The following MBNL1 variants were observed in gnomAD, a reference collection of about 807,000 sequenced individuals.
MBNL1 encodes muscleblind like splicing regulator 1.
Under a neutral mutation model 42.2 loss-of-function variants are expected in MBNL1, and 8 were observed. That is an observed-to-expected ratio of 0.19 (90% CI 0.11 to 0.34). MBNL1 has a LOEUF of 0.34. MBNL1 is among the 10% of genes least tolerant of loss of function. The pLI is 1.00. For synonymous variants in MBNL1, 169 were observed against 173.9 expected (o/e 0.97, Z 0.22); for missense variants, 309 against 495.3 (o/e 0.62, Z 3.57).
At chr3:152,428,842 G>A (rs191405200) in intron 3 of MBNL1, among the ~76,000 whole-genome samples, 2 of 152,296 alleles carry the variant, frequency 1.3e-5, no homozygotes, top group East Asian at 3.9e-4. Context: ...CATACCTGTG[G>A]TCACATCCTA....
At chr3:152,371,244 C>A (rs1466472726) in intron 2 of MBNL1, among the ~76,000 whole-genome samples, 1 of 152,130 alleles carries the variant, frequency 6.6e-6, no homozygotes, top group Admixed American at 6.6e-5. Flanking sequence ...TTTTATTTCT[C>A]CTTCACTTAT....
rs1580993141 is a variant in MBNL1, at chr3:152,464,422, T to G, written c.*2056T>G. 2.0e-5 allele frequency: 3 copies of G among 152,588 alleles called. No individual in the cohort carries two copies. Among genetic ancestry groups the G allele is most frequent in the Non-Finnish European group, 2.9e-5 (2 of 67,984 alleles). The allele number at this position is 152,588 out of a possible 1,614,324, so 9.5% of individuals were successfully genotyped here. A position where few individuals can be genotyped will look rare whatever the true frequency, so the allele number is the denominator to read the frequency against. On this transcript the variant is annotated 3_prime_UTR_variant, in exon 10 of 10. Coordinates refer to ENST00000324210, the MANE Select transcript of MBNL1 (RefSeq NM_021038.5). Reference sequence around the variant, plus strand: ...AGAACAAAGATCTTTTATATGGATATCTTATAAATATATAATCATTGCTAA... The same window carrying G: ...AGAACAAAGATCTTTTATATGGATAGCTTATAAATATATAATCATTGCTAA...
intron 2 of MBNL1, among the ~76,000 whole-genome samples, chr3:152,403,052 A>G (rs2098295310): frequency 6.6e-6 from 1 of 152,088 alleles, no homozygotes; most frequent in Admixed American, 6.5e-5. Context: ...GAAATCACAG[A>G]TATATTCCTT....
chr3:152,374,958 T>C (rs1197393584), intron 2 of MBNL1, among the ~76,000 whole-genome samples: 2 of 152,352 alleles, frequency 1.3e-5, no homozygotes, highest in African/African-American at 2.4e-5. Context: ...AAAGAAGATA[T>C]CTTCTAAGAC....
intron 2 of MBNL1, among the ~76,000 whole-genome samples, chr3:152,401,368 A>G (rs1302429578): frequency 6.6e-6 from 1 of 152,168 alleles, no homozygotes; most frequent in African/African-American, 2.4e-5. Context: ...TGACATTTGA[A>G]AAGGGTCACT....
At chr3:152,289,949 C>T (rs190958075) in intron 1 of MBNL1, among the ~76,000 whole-genome samples, 92 of 151,526 alleles carry the variant, frequency 6.1e-4, no homozygotes, top group African/African-American at 2.1e-3. Flanking sequence ...CATACTCATT[C>T]GTCATTGGTT....
intron 9 of MBNL1, among the ~76,000 whole-genome samples, chr3:152,460,292 A>G (rs1051699476): frequency 2.0e-5 from 3 of 152,104 alleles, no homozygotes; most frequent in African/African-American, 7.2e-5. Context: ...TTAAATAAAT[A>G]TATACACATA....
upstream of MBNL1, chr3:152,268,519 C>T (rs1435253176): frequency 2.9e-6 from 1 of 339,620 alleles, no homozygotes; most frequent in Non-Finnish European, 5.8e-6. Flanking sequence ...CAAAATGAAC[C>T]CACTGGTGTG....
At chr3:152,437,645 A>C (rs530694216) in intron 4 of MBNL1, among the ~76,000 whole-genome samples, 1 of 152,218 alleles carries the variant, frequency 6.6e-6, no homozygotes, top group Non-Finnish European at 1.5e-5. Flanking sequence ...ACATATATCT[A>C]TAAGCATATA....
At chr3:152,286,657 CTTA>C (rs1214586242) in intron 1 of MBNL1, among the ~76,000 whole-genome samples, 3 of 149,476 alleles carry the variant, frequency 2.0e-5, no homozygotes, top group African/African-American at 7.4e-5. Context: ...ATAAATTGTT[CTTA>C]TTATAAGCAA....
intron 4 of MBNL1, among the ~76,000 whole-genome samples, chr3:152,445,077 T>C (rs1158339113): frequency 2.0e-5 from 3 of 152,216 alleles, no homozygotes; most frequent in African/African-American, 7.2e-5. Context: ...ATACATGCAT[T>C]TTCTTATGGA....
intron 2 of MBNL1, among the ~76,000 whole-genome samples, chr3:152,393,803 G>T (rs1479140202): frequency 1.3e-5 from 2 of 152,110 alleles, no homozygotes; most frequent in South Asian, 4.1e-4. Flanking sequence ...TCCTGTGCGT[G>T]AGCTATAGTT....
At chr3:152,378,928 C>G (rs1487990057) in intron 2 of MBNL1, among the ~76,000 whole-genome samples, 1 of 151,850 alleles carries the variant, frequency 6.6e-6, no homozygotes, top group Non-Finnish European at 1.5e-5. Flanking sequence ...GTTGCTCAGG[C>G]TGGTCTCACA....
At chr3:152,431,398 T>C (rs990977845) in intron 3 of MBNL1, among the ~76,000 whole-genome samples, 3 of 152,220 alleles carry the variant, frequency 2.0e-5, no homozygotes, top group Non-Finnish European at 4.4e-5. Context: ...CCAGAGTGAA[T>C]AGAGGATATA....
chr3:152,369,646 T>G (rs1169846875), intron 2 of MBNL1, among the ~76,000 whole-genome samples: 2 of 152,200 alleles, frequency 1.3e-5, no homozygotes, highest in Non-Finnish European at 2.9e-5. Flanking sequence ...GTCCTGGGCT[T>G]TTTTTGGTTG....
intron 4 of MBNL1, among the ~76,000 whole-genome samples, chr3:152,435,923 T>A (rs2099072898): frequency 6.6e-6 from 1 of 152,194 alleles, no homozygotes; most frequent in Non-Finnish European, 1.5e-5. Flanking sequence ...AAGTTGTTTA[T>A]CAGATCAGGG....
chr3:152,397,075 A>G (rs2097989966), intron 2 of MBNL1, among the ~76,000 whole-genome samples: 1 of 152,218 alleles, frequency 6.6e-6, no homozygotes, highest in African/African-American at 2.4e-5. Flanking sequence ...CTGTTGGCAC[A>G]TGTAATAGGA....
At chr3:152,354,422 T>C (rs1486898209) in intron 2 of MBNL1, among the ~76,000 whole-genome samples, 1 of 152,136 alleles carries the variant, frequency 6.6e-6, no homozygotes, top group East Asian at 1.9e-4. Flanking sequence ...GCCATGGCCC[T>C]CCAGCCTGGG....
In MBNL1 at chr3:152,464,242, A is replaced by T. The variant is rs1749156225; in HGVS notation, c.*1876A>T. 6.6e-6 allele frequency: 1 copy of T among 152,504 alleles called. No individual in the cohort carries two copies. Among genetic ancestry groups the T allele is most frequent in the Non-Finnish European group, 1.5e-5 (1 of 67,980 alleles). The allele number at this position is 152,504 out of a possible 1,614,324, so 9.4% of individuals were successfully genotyped here. On this transcript the variant is annotated 3_prime_UTR_variant, in exon 10 of 10. Coordinates refer to ENST00000324210, the MANE Select transcript of MBNL1 (RefSeq NM_021038.5). ...CAATGAATTTTTCAAAATACAAAAA[A>T]AAGTAGTTTTTCCTTCATAACATAC...
Sources: gnomAD v4.1 joint callset for allele counts (sites outside exome capture counted in the v4.1 genomes callset) on GRCh38, gnomAD v4.1.1 for gene constraint, MANE v1.5 for transcripts, NCBI Gene and HGNC (gene_info 2026-07-23, HGNC 2026-07-21) for gene names.